CCDC88A: variants seen among roughly 807,000 people sequenced by gnomAD.
CCDC88A encodes the protein coiled-coil and HOOK domain protein 88A.
CCDC88A carries 54 observed loss-of-function variants against 234.3 expected under a neutral mutation model. The observed-to-expected ratio is 0.23, with a 90% CI of 0.19 to 0.29. The LOEUF is 0.29. Ranked by LOEUF, CCDC88A falls within the 10% of genes least tolerant of loss-of-function variation. The pLI, the probability that CCDC88A is intolerant of heterozygous loss-of-function variation, is 1.00. For synonymous variants in CCDC88A, 753 were observed against 737.8 expected, an observed-to-expected ratio of 1.02 and a Z score of -0.33; for missense variants, 1,832 against 2,123.4, an observed-to-expected ratio of 0.86 and a Z score of 2.70.
chr2:55,306,730 C>T (rs1681618605), intron 25 of CCDC88A, among the ~76,000 whole-genome samples: 1 of 152,112 alleles, frequency 6.6e-6, no homozygotes, highest in Admixed American at 6.5e-5. Context: ...GTGCATGCCA[C>T]CACACTGGGC....
rs574774967 is a variant in CCDC88A at position 55,408,588 on chromosome 2, T to C, written c.164+10228A>G. Among the ~76,000 whole-genome samples the C allele has an allele frequency of 3.2e-4, 48 of 152,260 alleles. 1 individual carries two copies. The highest frequency in any genetic ancestry group is 6.8e-3 in the Middle Eastern group (2 of 292). On this transcript the variant is annotated intron_variant, in intron 2 of 32. Transcript: ENST00000436346. The stretch of plus-strand genomic sequence containing the variant: ...GTGCCATGACAGTTTACAAATGCCA[T>C]GGCAATGGCAGGAAGTTACCCTATA...
chr2:55,409,539 T>A (rs934804490), intron 2 of CCDC88A, among the ~76,000 whole-genome samples: 1 of 152,196 alleles, frequency 6.6e-6, no homozygotes, highest in Non-Finnish European at 1.5e-5. Context: ...TAACAGTTTA[T>A]TACACAGTAA....
chr2:55,372,911 G>A (rs903092685), intron 4 of CCDC88A, among the ~76,000 whole-genome samples: 1 of 152,136 alleles, frequency 6.6e-6, no homozygotes, highest in Non-Finnish European at 1.5e-5. Flanking sequence ...AGGCCTATTA[G>A]TGTTTTCTTA....
At chr2:55,331,433 G>C (rs1053218825) in intron 16 of CCDC88A, among the ~76,000 whole-genome samples, 1 of 152,028 alleles carries the variant, frequency 6.6e-6, no homozygotes, top group African/African-American at 2.4e-5. Context: ...TGAACATTCT[G>C]AAAATTACAT....
chr2:55,343,775 T>C lies in CCDC88A; in HGVS notation c.1206A>G (p.Arg402=), dbSNP rs185416436. The C allele has an allele frequency of 3.0e-5, 49 of 1,609,056 alleles. No homozygotes were observed. In the African/African-American group the frequency reaches 6.0e-4, roughly 20 times the overall value. Residue 402 remains arginine (R), a synonymous_variant, in exon 12 of 33, where the codon AGA becomes AGG. Transcript: ENST00000436346. ...HDMEMERDMD[R]KKIEELMEEN... ...CTTCCATTAATTCTTCAATCTTTTTTCTATCCATATCTCGTTCCTTTTTTA... is the reference window on the plus strand; with the variant it reads ...CTTCCATTAATTCTTCAATCTTTTTCCTATCCATATCTCGTTCCTTTTTTA...
Position 55,418,916 on chromosome 2 carries a change from C to T in CCDC88A, c.64G>A (p.Val22Ile), listed in dbSNP as rs1681897444. 1.2e-6 allele frequency: 2 copies of T among 1,613,574 alleles called. No individual in the cohort carries two copies. The highest frequency in any genetic ancestry group is 1.7e-6 in the Non-Finnish European group (2 of 1,179,536). The change falls in exon 2 of 33, where the codon GTT (valine) becomes ATT (isoleucine). Residue 22 changes from valine to isoleucine, a missense_variant and splice_region_variant. Physicochemically the swap from Val to Ile is conservative, Grantham distance 29. Transcript: ENST00000436346. ...QFMTSPLVTWVKTFGPLAAGN... is the reference protein window; with the variant it reads ...QFMTSPLVTWIKTFGPLAAGN... ...GCGGCCAGAGGTCCAAACGTTTTAA[C>T]CTAGAACAAACAGAAGGATCACCAC...
chr2:55,395,495 G>A (rs998824847), intron 2 of CCDC88A, among the ~76,000 whole-genome samples: 1 of 152,100 alleles, frequency 6.6e-6, no homozygotes, highest in African/African-American at 2.4e-5. Flanking sequence ...TAGGTTCTAA[G>A]TTCCTTGACA....
intron 2 of CCDC88A, chr2:55,397,184 T>A (rs575550543): frequency 1.3e-5 from 2 of 152,242 alleles, no homozygotes; most frequent in East Asian, 3.9e-4. Flanking sequence ...GCTCGCTGCC[T>A]CCTGGGTTCA....
Position 55,374,847 on chromosome 2 carries a change from T to C in CCDC88A, c.310A>G (p.Asn104Asp), listed in dbSNP as rs2104830107. The C allele has an allele frequency of 6.2e-7, 1 of 1,609,310 alleles. No individual in the cohort carries two copies. Among genetic ancestry groups the C allele is most frequent in the East Asian group, 2.2e-5 (1 of 44,724 alleles). ...GGATTTTTGCCAATGATTAAGACAT[T>C]TGGCAACGACATCATGATCAATTGC... is the stretch of plus-strand genomic sequence containing the variant. ...LQQLIMMSLP[N>D]VLIIGKNPFS... Residue 104 changes from asparagine to aspartate, a missense_variant, in exon 4 of 33, where the codon AAT (asparagine) becomes GAT (aspartate). Around this residue, in one of 6 missense-constraint regions of CCDC88A, gnomAD observed 84 missense variants for 80.9 expected, o/e 1.04. Transcript: ENST00000436346.
intron 25 of CCDC88A, chr2:55,307,976 CTTT>C (rs35845333): frequency 2.9e-3 from 283 of 98,266 alleles, no homozygotes; most frequent in African/African-American, 9.1e-3. Context: ...TTCTTTCTTT[CTTT>C]TTTTTTTTTT....
At chr2:55,347,818 C>T (rs1375948053) in intron 9 of CCDC88A, among the ~76,000 whole-genome samples, 1 of 151,810 alleles carries the variant, frequency 6.6e-6, no homozygotes, top group Non-Finnish European at 1.5e-5. Flanking sequence ...CGCCATGTTG[C>T]CCAGGCTGGT....
Position 55,291,792 on chromosome 2 carries a change from T to C in CCDC88A, c.5552-17A>G, listed in dbSNP as rs1210846811. Reference sequence around the variant, plus strand: ...TGTCCACATCTGCAGGAGAAAAGCATTTCATGTTATTTAGTCAAAGATGAA... The same window carrying C: ...TGTCCACATCTGCAGGAGAAAAGCACTTCATGTTATTTAGTCAAAGATGAA... On this transcript the variant is annotated splice_polypyrimidine_tract_variant and intron_variant, in intron 31 of 32. Coordinates refer to ENST00000436346, the MANE Select transcript of CCDC88A (RefSeq NM_001365480.1). 7 of 1,592,112 alleles carry C rather than the reference T, an allele frequency of 4.4e-6. No individual in the cohort carries two copies. Among genetic ancestry groups the C allele is most frequent in the Non-Finnish European group, 6.0e-6 (7 of 1,162,282 alleles).
intron 3 of CCDC88A, among the ~76,000 whole-genome samples, chr2:55,381,748 C>T (rs898556398): frequency 2.7e-4 from 41 of 152,230 alleles, no homozygotes; most frequent in African/African-American, 9.1e-4. Flanking sequence ...ATCCATAATT[C>T]TTTCTTCACA....
intron 12 of CCDC88A, chr2:55,340,270 C>G (rs561294914): frequency 1.3e-5 from 2 of 152,330 alleles, no homozygotes; most frequent in South Asian, 4.1e-4. Context: ...ATGAGACCTA[C>G]TATTTCAAGA....
intron 2 of CCDC88A, among the ~76,000 whole-genome samples, chr2:55,398,334 T>G (rs986825022): frequency 2.6e-5 from 4 of 152,348 alleles, no homozygotes; most frequent in Non-Finnish European, 5.9e-5. Flanking sequence ...AAAACAGAAC[T>G]GAAAAGTTCC....
intron 21 of CCDC88A, chr2:55,316,804 C>T (rs1162680155): frequency 2.0e-5 from 3 of 152,378 alleles, no homozygotes; most frequent in South Asian, 2.1e-4. Context: ...GGCGCGATCT[C>T]GACTCACTGC....
chr2:55,365,831 T>C (rs888810880), intron 5 of CCDC88A, among the ~76,000 whole-genome samples: 1 of 152,346 alleles, frequency 6.6e-6, no homozygotes, highest in Non-Finnish European at 1.5e-5. Context: ...TGAAGCTGAA[T>C]AATCAGATCA....
intron 7 of CCDC88A, among the ~76,000 whole-genome samples, chr2:55,358,446 T>C (rs1185399093): frequency 6.6e-6 from 1 of 152,186 alleles, no homozygotes; most frequent in Non-Finnish European, 1.5e-5. Context: ...ACTACAGATC[T>C]TGCTATCCAT....
Position 55,309,650 on chromosome 2 carries a change from GA to G in CCDC88A, c.4080-397del, listed in dbSNP as rs1682074371. Among the ~76,000 whole-genome samples, 1 of 152,056 alleles carries G rather than the reference GA, an allele frequency of 6.6e-6. No individual in the cohort carries two copies. The highest frequency in any genetic ancestry group is 1.5e-5 in the Non-Finnish European group (1 of 68,002). ...CCATTTCCTGACTCCAGCAATGCAT[GA>G]GTCATCGCATCCTAGTCTCATTGTT... On this transcript the variant is annotated intron_variant, in intron 23 of 32. Transcript: ENST00000436346. The surrounding 1 kb of genome is among the most constrained non-coding windows in gnomAD (Gnocchi z 5.1).
Sources: allele counts gnomAD v4.1 joint callset (sites outside exome capture counted in the v4.1 genomes callset), GRCh38; gene constraint gnomAD v4.1.1; regional missense constraint gnomAD v4.1.1; non-coding constraint Gnocchi (gnomAD v3.1); transcripts MANE v1.5; gene names NCBI Gene and HGNC (gene_info 2026-07-23, HGNC 2026-07-21).